Variants in NLRP5 observed in about 807,000 individuals in gnomAD.
NLRP5 encodes the protein NACHT, LRR and PYD domains-containing protein 5.
In NLRP5, 93 loss-of-function variants were observed where a neutral mutation model predicts 113.1. The ratio of observed to expected loss-of-function variants is 0.82; its 90% CI spans 0.70 to 0.98. NLRP5 has a LOEUF of 0.98. Among genes scored for constraint, NLRP5 ranks in the 50% least tolerant of loss-of-function variants. The pLI is 0.00. For missense variants in NLRP5, 1,808 were observed against 1,514.3 expected, an observed-to-expected ratio of 1.19 and a Z score of -3.22; for synonymous variants, 751 against 600.7, an observed-to-expected ratio of 1.25 and a Z score of -3.66.
chr19:56,036,525 G>A (rs1015897030), intron 9 of NLRP5, among the ~76,000 whole-genome samples: 2 of 152,228 alleles, frequency 1.3e-5, no homozygotes, highest in South Asian at 4.1e-4. Context: ...GAGATGTGCT[G>A]ATGAACAAAA....
At chr19:55,996,919 C>A (rs559556092), upstream of NLRP5, among the ~76,000 whole-genome samples, 11 of 152,290 alleles carry the variant, frequency 7.2e-5, no homozygotes, top group African/African-American at 2.4e-4. Flanking sequence ...ACACTGACTT[C>A]CACAATGGTT....
chr19:56,040,334 T>A (rs1276293045), intron 10 of NLRP5, among the ~76,000 whole-genome samples: 1 of 152,128 alleles, frequency 6.6e-6, no homozygotes, highest in African/African-American at 2.4e-5. Flanking sequence ...GGCAGGCAGA[T>A]CCCCTGAGGT....
chr19:56,001,144 G>T (rs1189573391), intron 1 of NLRP5, among the ~76,000 whole-genome samples: 2 of 144,990 alleles, frequency 1.4e-5, no homozygotes, highest in African/African-American at 2.6e-5. Context: ...GCAACATAGT[G>T]ACACCTTGTC....
intron 6 of NLRP5, among the ~76,000 whole-genome samples, chr19:56,026,527 CAAAAAAAAAAAAA>C (rs375845864): frequency 2.5e-5 from 1 of 40,346 alleles, no homozygotes; most frequent in East Asian, 1.1e-3. Flanking sequence ...GACTCCATCT[CAAAAAAAAAAAAA>C]AAAAAAAAAT....
intron 12 of NLRP5, among the ~76,000 whole-genome samples, chr19:56,052,295 GTTCT>G (rs1172204288): frequency 3.3e-5 from 5 of 151,858 alleles, no homozygotes; most frequent in African/African-American, 1.2e-4. Context: ...TGAGACAGAG[GTTCT>G]TTCTTGTTGC....
intron 11 of NLRP5, among the ~76,000 whole-genome samples, chr19:56,048,240 T>C (rs924304935): frequency 2.6e-5 from 4 of 152,218 alleles, no homozygotes; most frequent in South Asian, 2.1e-4. Flanking sequence ...TGAGGTACCA[T>C]TGCATTCATC....
At chr19:56,059,734 C>T (rs1175940039) in intron 14 of NLRP5, among the ~76,000 whole-genome samples, 1 of 151,958 alleles carries the variant, frequency 6.6e-6, no homozygotes, top group Non-Finnish European at 1.5e-5. Flanking sequence ...GAGTTTTCAC[C>T]AGGCTGGTCT....
intron 13 of NLRP5, among the ~76,000 whole-genome samples, chr19:56,054,992 C>CTTTTTT (rs869165472): frequency 1.6e-5 from 1 of 62,370 alleles, no homozygotes; most frequent in African/African-American, 7.0e-5. Context: ...CACCCCTCCC[C>CTTTTTT]TTTTTTTTTT....
chr19:56,010,153 C>T (rs1982125457), intron 3 of NLRP5, among the ~76,000 whole-genome samples: 1 of 152,158 alleles, frequency 6.6e-6, no homozygotes, highest in African/African-American at 2.4e-5. Context: ...ACGAGAACTA[C>T]CACTTCTTGA....
chr19:55,997,054 T>C (rs1011938627), upstream of NLRP5, among the ~76,000 whole-genome samples: 1 of 152,198 alleles, frequency 6.6e-6, no homozygotes, highest in Admixed American at 6.5e-5. Flanking sequence ...GGTATCTCAT[T>C]GTGGTTTTGA....
At chr19:56,043,296 A>T (rs977547954) in intron 11 of NLRP5, among the ~76,000 whole-genome samples, 1 of 151,878 alleles carries the variant, frequency 6.6e-6, no homozygotes, top group East Asian at 1.9e-4. Context: ...GATTATGGCC[A>T]TTCTTGCAAG....
intron 1 of NLRP5, among the ~76,000 whole-genome samples, chr19:56,000,169 C>G (rs550097204): frequency 1.3e-5 from 2 of 150,568 alleles, no homozygotes; most frequent in African/African-American, 4.9e-5. Context: ...GTTGCCCAGG[C>G]ATGGCCACCT....
At chr19:55,998,433 C>G (rs1981410140), upstream of NLRP5, among the ~76,000 whole-genome samples, 1 of 151,882 alleles carries the variant, frequency 6.6e-6, no homozygotes, top group African/African-American at 2.4e-5. Context: ...GCGGGTGGGC[C>G]ACAAGGTCAG....
rs993702280 is a variant in NLRP5, at chr19:56,003,618, C to T, written c.63-98C>T. 48 of 1,224,810 alleles carry T rather than the reference C, an allele frequency of 3.9e-5. No individual in the cohort carries two copies. The African/African-American group carries it at 5.7e-4, about 15-fold the overall frequency. 75.9% of individuals were successfully genotyped at this position (1,224,810 alleles called of 1,614,324 possible). ...ACAGATATTGTGGCAACAAATGCTT[C>T]GTCCATGAAGAATTGAAAAGAGAAG... On this transcript the variant is annotated intron_variant, in intron 1 of 14. Transcript: ENST00000390649.
At chr19:56,060,579 A>G (rs1984314509) in intron 14 of NLRP5, among the ~76,000 whole-genome samples, 1 of 152,120 alleles carries the variant, frequency 6.6e-6, no homozygotes, top group Non-Finnish European at 1.5e-5. Flanking sequence ...CCCAAACCCT[A>G]TAACACGACC....
At chr19:56,051,878 A>C (rs560081654) in intron 12 of NLRP5, among the ~76,000 whole-genome samples, 3 of 152,170 alleles carry the variant, frequency 2.0e-5, no homozygotes, top group Non-Finnish European at 4.4e-5. Context: ...TCATTTTGAG[A>C]TCTCTCCCTT....
At chr19:56,020,523 T>A (rs918380214) in intron 6 of NLRP5, 92 bp downstream of exon 6, 184 of 1,384,248 alleles carry the variant, frequency 1.3e-4, no homozygotes, top group Non-Finnish European at 1.8e-4. Flanking sequence ...GGTATGTAGT[T>A]TAGATTGCCT....
chr19:56,043,562 T>C (rs1427529680), intron 11 of NLRP5, among the ~76,000 whole-genome samples: 7 of 46,072 alleles, frequency 1.5e-4, no homozygotes, highest in East Asian at 5.0e-4. Context: ...TTTTTTTTTT[T>C]TTTTTTTTTT....
At position 56,003,972 on chromosome 19, in the gene NLRP5, G is replaced by A. The variant is rs754254004; in HGVS notation, c.319G>A (p.Glu107Lys). 1.2e-6 allele frequency: 2 copies of A among 1,613,984 alleles called. No homozygotes were observed. The change falls in exon 2 of 15, where the codon GAA becomes AAA. Residue 107 changes from glutamate (E) to lysine (K), a missense_variant. By Grantham distance (56) the Glu-to-Lys change is moderately conservative (BLOSUM62 1). Transcript: ENST00000390649. ...GTTTGAAATCGAGAATGCCAACGTGGAATGTCTGGCACTCCTCTTGCATGA... is the reference window on the plus strand; with the variant it reads ...GTTTGAAATCGAGAATGCCAACGTGAAATGTCTGGCACTCCTCTTGCATGA...
Sources: gnomAD v4.1 joint callset for allele counts (sites outside exome capture counted in the v4.1 genomes callset) on GRCh38, gnomAD v4.1.1 for gene constraint, MANE v1.5 for transcripts, NCBI Gene and HGNC (gene_info 2026-07-23, HGNC 2026-07-21) for gene names.